The following SLC25A12 variants were observed in gnomAD, a reference collection of about 807,000 sequenced individuals.
SLC25A12 encodes the protein electrogenic aspartate/glutamate antiporter SLC25A12, mitochondrial.
In SLC25A12, 32 loss-of-function variants were observed where a neutral mutation model predicts 83.3. The observed-to-expected ratio is 0.38, with a 90% CI of 0.29 to 0.52. SLC25A12 has a LOEUF of 0.52. Ranked by LOEUF, SLC25A12 falls within the 20% of genes least tolerant of loss-of-function variation. The pLI is 0.84. For missense variants in SLC25A12, 611 were observed against 835.6 expected, an observed-to-expected ratio of 0.73 and a Z score of 3.31; for synonymous variants, 267 against 291.1, an observed-to-expected ratio of 0.92 and a Z score of 0.84.
At chr2:171,859,696 G>A (rs1029739086) in intron 3 of SLC25A12, among the ~76,000 whole-genome samples, 2 of 152,130 alleles carry the variant, frequency 1.3e-5, no homozygotes, top group Non-Finnish European at 2.9e-5. Context: ...AAGAGAATGG[G>A]GAGTCATTAT....
chr2:171,805,113 T>C (rs931661006), intron 13 of SLC25A12, among the ~76,000 whole-genome samples: 3 of 69,406 alleles, frequency 4.3e-5, no homozygotes, highest in African/African-American at 1.1e-4. Context: ...TTTTGTTTTT[T>C]GTTTTTTTTT....
At chr2:171,862,163 G>C (rs1422818165) in intron 3 of SLC25A12, among the ~76,000 whole-genome samples, 1 of 152,096 alleles carries the variant, frequency 6.6e-6, no homozygotes, top group African/African-American at 2.4e-5. Flanking sequence ...TAGAAGAAAA[G>C]AACACCAGTT....
chr2:171,876,432 CCA>C (rs1216269384), intron 2 of SLC25A12, among the ~76,000 whole-genome samples: 2 of 151,524 alleles, frequency 1.3e-5, no homozygotes, highest in Non-Finnish European at 2.9e-5. Flanking sequence ...ATCTATCTAC[CCA>C]CAGTCAGTCA....
chr2:171,814,814 A>G (rs1332249037), intron 10 of SLC25A12, among the ~76,000 whole-genome samples: 1 of 152,146 alleles, frequency 6.6e-6, no homozygotes. Context: ...CTGTCCCATA[A>G]ACACAGTCTC....
intron 2 of SLC25A12, among the ~76,000 whole-genome samples, chr2:171,886,028 AT>A (rs1685809674): frequency 6.6e-6 from 1 of 152,222 alleles, no homozygotes; most frequent in South Asian, 2.1e-4. Flanking sequence ...AACATATTAT[AT>A]GTAAACATAC....
chr2:171,820,477 C>T (rs1424997676), intron 9 of SLC25A12, among the ~76,000 whole-genome samples: 1 of 151,164 alleles, frequency 6.6e-6, no homozygotes, highest in Non-Finnish European at 1.5e-5. Flanking sequence ...GCCTGTAATC[C>T]CAACACTTTG....
intron 8 of SLC25A12, among the ~76,000 whole-genome samples, chr2:171,828,627 G>A (rs1020618879): frequency 1.3e-5 from 2 of 152,108 alleles, no homozygotes; most frequent in Non-Finnish European, 2.9e-5. Context: ...GGGCCTGAGT[G>A]GAATAGCCAA....
chr2:171,862,893 G>T (rs552381065), intron 3 of SLC25A12, among the ~76,000 whole-genome samples: 6 of 152,114 alleles, frequency 3.9e-5, no homozygotes, highest in Non-Finnish European at 8.8e-5. Context: ...GGAGAAAAGA[G>T]AATATCTTTT....
At chr2:171,814,811 A>G (rs1186066587) in intron 10 of SLC25A12, among the ~76,000 whole-genome samples, 3 of 152,300 alleles carry the variant, frequency 2.0e-5, no homozygotes, top group East Asian at 3.9e-4. Context: ...AACCTGTCCC[A>G]TAAACACAGT....
chr2:171,892,232 C>CTTT (rs11442059), intron 2 of SLC25A12, among the ~76,000 whole-genome samples: 22 of 146,370 alleles, frequency 1.5e-4, no homozygotes, highest in African/African-American at 3.3e-4. Flanking sequence ...TTTACATCTA[C>CTTT]TTTTTTTTTT....
Position 171,813,466 on chromosome 2 carries a change from A to G in SLC25A12, c.1044T>C (p.Asp348=), listed in dbSNP as rs772780668. The G allele has an allele frequency of 2.5e-6, 4 of 1,614,052 alleles. No homozygotes were observed. The African/African-American group carries it at 5.3e-5, about 22-fold the overall frequency. The change falls in exon 11 of 18, where the codon GAT becomes GAC. Residue 348 remains aspartate, a synonymous_variant. Coordinates refer to ENST00000422440, the MANE Select transcript of SLC25A12 (RefSeq NM_003705.5). ...AVGATAVYPI[D]LVKTRMQNQR... is the part of the protein sequence containing the mutation. ...GGTTTTGCATTCGGGTCTTCACCAG[A>G]TCTATAGGATACACTGCAGTGGCTC... is the stretch of plus-strand genomic sequence containing the variant.
At chr2:171,849,204 A>C (rs1009423226) in intron 4 of SLC25A12, among the ~76,000 whole-genome samples, 63 of 151,916 alleles carry the variant, frequency 4.1e-4, no homozygotes, top group South Asian at 8.3e-4. Flanking sequence ...TTAATAAATA[A>C]ATACATACAT....
intron 3 of SLC25A12, among the ~76,000 whole-genome samples, chr2:171,866,390 C>T (rs1685303795): frequency 6.9e-6 from 1 of 145,776 alleles, no homozygotes; most frequent in South Asian, 2.3e-4. Flanking sequence ...AGGGGCTCCT[C>T]ACTTCCCAGT....
At chr2:171,797,024 C>G (rs1465564807) in intron 13 of SLC25A12, among the ~76,000 whole-genome samples, 1 of 152,150 alleles carries the variant, frequency 6.6e-6, no homozygotes, top group Non-Finnish European at 1.5e-5. Flanking sequence ...TGTTTCCTCT[C>G]TGCGAAACAA....
chr2:171,853,189 T>C (rs1040207509), intron 4 of SLC25A12, among the ~76,000 whole-genome samples: 2 of 152,134 alleles, frequency 1.3e-5, no homozygotes, highest in African/African-American at 4.8e-5. Context: ...ATCTTTTTCT[T>C]ATTCCATAAT....
intron 2 of SLC25A12, among the ~76,000 whole-genome samples, chr2:171,873,891 G>T (rs1685508250): frequency 6.6e-6 from 1 of 151,912 alleles, no homozygotes; most frequent in African/African-American, 2.4e-5. Context: ...GCAATATATA[G>T]GTACATACAC....
intron 15 of SLC25A12, chr2:171,788,423 T>C (rs1436155870): frequency 1.1e-5 from 2 of 181,854 alleles, no homozygotes; most frequent in South Asian, 1.1e-4. Flanking sequence ...TCAATACTTA[T>C]AATCACTCGC....
At chr2:171,849,206 T>C (rs1394659257) in intron 4 of SLC25A12, among the ~76,000 whole-genome samples, 1 of 151,738 alleles carries the variant, frequency 6.6e-6, no homozygotes, top group Non-Finnish European at 1.5e-5. Flanking sequence ...AATAAATAAA[T>C]ACATACATAC....
intron 4 of SLC25A12, among the ~76,000 whole-genome samples, chr2:171,853,441 C>T (rs1031500086): frequency 1.3e-5 from 1 of 77,718 alleles, no homozygotes; most frequent in Non-Finnish European, 3.2e-5. Context: ...TTTGGGAGGC[C>T]GAGGTGGGCA....
Sources: gnomAD v4.1 joint callset for allele counts (sites outside exome capture counted in the v4.1 genomes callset) on GRCh38, gnomAD v4.1.1 for gene constraint, MANE v1.5 for transcripts, NCBI Gene and HGNC (gene_info 2026-07-23, HGNC 2026-07-21) for gene names.